MAML3: variants seen among roughly 807,000 people sequenced by gnomAD.
MAML3 encodes mastermind-like protein 3.
A neutral mutation model predicts 101.9 loss-of-function variants in MAML3; 27 were observed. That is an observed-to-expected ratio of 0.27 (90% CI 0.20 to 0.37). The LOEUF (loss-of-function observed/expected upper bound fraction) is 0.37. Among genes scored for constraint, MAML3 ranks in the 10% least tolerant of loss-of-function variants. The probability of loss-of-function intolerance (pLI) is 1.00; values close to 1 mark genes in which losing one functional copy is unlikely to be tolerated. For synonymous variants in MAML3, 501 were observed against 555.9 expected (o/e 0.90, Z 1.39); for missense variants, 1,316 against 1,444.9 (o/e 0.91, Z 1.45).
chr4:139,747,867 G>C (rs897115722), intron 2 of MAML3, among the ~76,000 whole-genome samples: 4 of 150,924 alleles, frequency 2.7e-5, no homozygotes, highest in East Asian at 2.0e-4. Flanking sequence ...AAGCCTGATC[G>C]ATACAGTGAA....
intron 1 of MAML3, among the ~76,000 whole-genome samples, chr4:139,988,841 C>T (rs1310923307): frequency 6.6e-6 from 1 of 152,198 alleles, no homozygotes; most frequent in Admixed American, 6.5e-5. Flanking sequence ...CAAGCAAGAT[C>T]ACTGGCTGAG....
intron 2 of MAML3, among the ~76,000 whole-genome samples, chr4:139,776,109 A>G (rs1207048931): frequency 6.6e-6 from 1 of 152,250 alleles, no homozygotes; most frequent in Non-Finnish European, 1.5e-5. Flanking sequence ...ATGCATCTGC[A>G]CAGACAATCT....
chr4:139,815,805 T>C (rs534609098), intron 2 of MAML3, among the ~76,000 whole-genome samples: 1 of 152,322 alleles, frequency 6.6e-6, no homozygotes, highest in Non-Finnish European at 1.5e-5. Context: ...AGAAATCAGA[T>C]CCTGGCTCCC....
At chr4:140,112,508 C>T (rs1728454035) in intron 1 of MAML3, among the ~76,000 whole-genome samples, 2 of 152,258 alleles carry the variant, frequency 1.3e-5, no homozygotes, top group African/African-American at 4.8e-5. Flanking sequence ...CATGTGCTCA[C>T]TTGCAGTCAC....
chr4:140,000,224 A>G (rs967073116), intron 1 of MAML3, among the ~76,000 whole-genome samples: 23 of 152,310 alleles, frequency 1.5e-4, no homozygotes, highest in African/African-American at 5.5e-4. Flanking sequence ...CTCAGTAAAG[A>G]CTGTTCATTA....
chr4:139,739,904 T>C (rs894538585), intron 2 of MAML3, among the ~76,000 whole-genome samples: 9 of 152,140 alleles, frequency 5.9e-5, no homozygotes, highest in Admixed American at 5.9e-4. Context: ...TGGAATGAAA[T>C]GTAGAGTTCA....
chr4:139,861,558 C>T (rs1731786971), intron 2 of MAML3, among the ~76,000 whole-genome samples: 1 of 149,906 alleles, frequency 6.7e-6, no homozygotes, highest in Admixed American at 6.7e-5. Flanking sequence ...ATTAGAAATT[C>T]CACATTACAG....
chr4:139,859,883 A>ATT (rs1047157867), intron 2 of MAML3, among the ~76,000 whole-genome samples: 42 of 152,154 alleles, frequency 2.8e-4, no homozygotes, highest in African/African-American at 9.4e-4. Context: ...ACGTGTAAAG[A>ATT]TTTTTTTTAG....
chr4:140,011,233 C>CATATATATATATATATAT (rs70943468), intron 1 of MAML3, among the ~76,000 whole-genome samples: 4,486 of 119,070 alleles, frequency 0.038, 168 homozygotes, highest in Non-Finnish European at 0.057. Context: ...ATAAAGTGTG[C>CATATATATATATATATAT]ATATATATAT....
chr4:140,087,284 T>TATATC (rs1389616379), intron 1 of MAML3, among the ~76,000 whole-genome samples: 1 of 152,276 alleles, frequency 6.6e-6, no homozygotes, highest in Non-Finnish European at 1.5e-5. Flanking sequence ...TGCTATCTTA[T>TATATC]ATATCCTCTC....
At position 139,961,454 on chromosome 4, in the gene MAML3, G is replaced by A. The variant is rs1259658368; in HGVS notation, c.469-70487C>T. Among the ~76,000 whole-genome samples, 7 of 152,180 alleles carry A rather than the reference G, an allele frequency of 4.6e-5. No homozygotes were observed. In the South Asian group the frequency reaches 6.2e-4, roughly 14 times the overall value. On this transcript the variant is annotated intron_variant, in intron 1 of 4. Coordinates refer to ENST00000509479, the MANE Select transcript of MAML3 (RefSeq NM_018717.5). ...ATTAGATTATCCTGGAGTCGAAACA[G>A]AATGGGGGAGGACCCAGTCAATTCC... is the stretch of plus-strand genomic sequence containing the variant.
intron 2 of MAML3, among the ~76,000 whole-genome samples, chr4:139,846,900 T>C (rs1731461578): frequency 6.6e-6 from 1 of 152,210 alleles, no homozygotes; most frequent in East Asian, 1.9e-4. Flanking sequence ...CACAATTCTT[T>C]GATAGCACAA....
In MAML3 at chr4:139,735,958, C is replaced by T. The variant is rs1281960813; in HGVS notation, c.2080-5291G>A. Among the ~76,000 whole-genome samples, 1 of 152,116 alleles carries T rather than the reference C, an allele frequency of 6.6e-6. No individual in the cohort carries two copies. Among genetic ancestry groups the T allele is most frequent in the Non-Finnish European group, 1.5e-5 (1 of 67,998 alleles). ...AGGCTGCGGTGTGCTCCAGCGGGCG[C>T]ATTTCCCAGGCCCCGCCACATCGTG... On this transcript the variant is annotated intron_variant, in intron 2 of 4. Transcript: ENST00000509479. The surrounding 1 kb of genome is among the most constrained non-coding windows in gnomAD (Gnocchi z 5.8).
chr4:139,739,766 G>A (rs1729095467), intron 2 of MAML3, among the ~76,000 whole-genome samples: 1 of 147,786 alleles, frequency 6.8e-6, no homozygotes, highest in African/African-American at 2.5e-5. Flanking sequence ...ACTAGCCACT[G>A]GATAGTCTTG....
At chr4:140,073,966 T>C (rs1281994746) in intron 1 of MAML3, among the ~76,000 whole-genome samples, 4 of 151,738 alleles carry the variant, frequency 2.6e-5, no homozygotes, top group African/African-American at 7.3e-5. Context: ...ACCCCATCTC[T>C]ACTAAAAATA....
At chr4:139,963,881 G>A (rs1734074540) in intron 1 of MAML3, among the ~76,000 whole-genome samples, 1 of 152,146 alleles carries the variant, frequency 6.6e-6, no homozygotes, top group South Asian at 2.1e-4. Context: ...CATTTTAAGA[G>A]ATGATGATGG....
At chr4:139,854,241 G>C (rs974689011) in intron 2 of MAML3, among the ~76,000 whole-genome samples, 3 of 151,858 alleles carry the variant, frequency 2.0e-5, no homozygotes, top group African/African-American at 7.3e-5. Context: ...TTCAGTGCCT[G>C]GCATGTAGAA....
At chr4:140,016,280 C>G (rs936141154) in intron 1 of MAML3, among the ~76,000 whole-genome samples, 1 of 151,642 alleles carries the variant, frequency 6.6e-6, no homozygotes, top group Admixed American at 6.6e-5. Context: ...ATGAAAAAAA[C>G]CAAAGAAGAT....
intron 1 of MAML3, among the ~76,000 whole-genome samples, chr4:140,089,571 A>G (rs1348995609): frequency 6.6e-6 from 1 of 152,242 alleles, no homozygotes; most frequent in Non-Finnish European, 1.5e-5. Context: ...AGTATTTAAA[A>G]TAAGCTTTTT....
Sources: allele counts gnomAD v4.1 joint callset (sites outside exome capture counted in the v4.1 genomes callset), GRCh38; gene constraint gnomAD v4.1.1; non-coding constraint Gnocchi (gnomAD v3.1); transcripts MANE v1.5; gene names NCBI Gene and HGNC (gene_info 2026-07-23, HGNC 2026-07-21).